LDAF1: variants seen among roughly 807,000 people sequenced by gnomAD.
The protein encoded by LDAF1 is PROMETHIN.
LDAF1 carries 7 observed loss-of-function variants against 13.5 expected under a neutral mutation model. The ratio of observed to expected loss-of-function variants is 0.52; its 90% CI spans 0.29 to 0.97. The LOEUF is 0.97. Ranked by LOEUF, LDAF1 falls within the 50% of genes least tolerant of loss-of-function variation. The pLI is 0.07. For synonymous variants in LDAF1, 69 were observed against 77.1 expected, an observed-to-expected ratio of 0.89 and a Z score of 0.55; for missense variants, 148 against 193.2, an observed-to-expected ratio of 0.77 and a Z score of 1.39.
At chr16:21,166,936 G>A (rs1211415886) in intron 2 of LDAF1, 2 of 1,531,400 alleles carry the variant, frequency 1.3e-6, no homozygotes, top group Non-Finnish European at 8.7e-7. Flanking sequence ...AGTCATCTCT[G>A]GCTAGAGAAG....
Position 21,170,752 on chromosome 16 carries a change from C to G in LDAF1, c.265+147C>G, listed in dbSNP as rs1042816347. ...AACTCCTGGGCTCAAGTGATCCTCC[C>G]ACGTCGGCCTGCCAAAGTGCTGGGA... On this transcript the variant is annotated intron_variant, in intron 3 of 4. Coordinates refer to ENST00000233047, the MANE Select transcript of LDAF1 (RefSeq NM_001301771.2). 3.2e-6 allele frequency: 3 copies of G among 945,914 alleles called. No homozygotes were observed. The African/African-American group carries it at 5.0e-5, about 16-fold the overall frequency. The allele number at this position is 945,914 out of a possible 1,614,324, so 58.6% of individuals were successfully genotyped here.
intron 1 of LDAF1, chr16:21,159,302 T>G (rs1189727784): frequency 6.2e-7 from 1 of 1,600,286 alleles, no homozygotes; most frequent in Admixed American, 1.7e-5. Context: ...CTGTGCCTTC[T>G]GGGACGCGGA....
chr16:21,176,520 G>A (rs917619545), intron 4 of LDAF1, among the ~76,000 whole-genome samples: 4 of 152,140 alleles, frequency 2.6e-5, no homozygotes, highest in African/African-American at 7.2e-5. Flanking sequence ...GTGCGTGCCT[G>A]TAGTCCCAGC....
chr16:21,167,692 G>GTTTTT (rs2093037193), intron 2 of LDAF1, among the ~76,000 whole-genome samples: 1 of 8,988 alleles, frequency 1.1e-4, no homozygotes, highest in Non-Finnish European at 2.2e-4. Context: ...AAGACCTTAG[G>GTTTTT]TTTGTTTTTT....
chr16:21,168,934 A>G (rs2093057486), intron 2 of LDAF1, among the ~76,000 whole-genome samples: 1 of 129,172 alleles, frequency 7.7e-6, no homozygotes, highest in Admixed American at 8.7e-5. Flanking sequence ...ATATATTTAA[A>G]TATTTATATT....
intron 4 of LDAF1, among the ~76,000 whole-genome samples, chr16:21,174,436 ATCC>A (rs1340817612): frequency 6.6e-6 from 1 of 152,116 alleles, no homozygotes; most frequent in Non-Finnish European, 1.5e-5. Context: ...GGCTCAAGCA[ATCC>A]TCCTGCCTCC....
At chr16:21,158,775 TCCGGGTGCC>T (rs2092921097) in intron 1 of LDAF1, 29 bp downstream of exon 1, 2 of 153,568 alleles carry the variant, frequency 1.3e-5, no homozygotes, top group South Asian at 4.0e-4. Context: ...GGGGTGGGGG[TCCGGGTGCC>T]CCGGGTGGCT....
At chr16:21,167,066 G>A (rs1353633848) in intron 2 of LDAF1, among the ~76,000 whole-genome samples, 1 of 152,220 alleles carries the variant, frequency 6.6e-6, no homozygotes, top group South Asian at 2.1e-4. Context: ...CATGCCTCGA[G>A]AGTAATCCTT....
chr16:21,174,245 A>G, intron 4 of LDAF1, 97 bp downstream of exon 4: 1 of 1,193,976 alleles, frequency 8.4e-7, no homozygotes, highest in South Asian at 1.6e-5. Flanking sequence ...GCTGGAGTGC[A>G]GTGGCATGAA....
chr16:21,159,841 A>G, intron 1 of LDAF1: 1 of 920,284 alleles, frequency 1.1e-6, no homozygotes, highest in African/African-American at 1.8e-5. Context: ...TGTAAGGGGA[A>G]CTCCGCTTGT....
chr16:21,168,403 TAATAGACAAGTG>T (rs1166557144), intron 2 of LDAF1, among the ~76,000 whole-genome samples: 1 of 151,978 alleles, frequency 6.6e-6, no homozygotes, highest in Non-Finnish European at 1.5e-5. Context: ...GCTTAGCTTT[TAATAGACAAGTG>T]AATAGACAAG....
intron 4 of LDAF1, among the ~76,000 whole-genome samples, chr16:21,177,675 G>A (rs2093151800): frequency 7.1e-6 from 1 of 141,464 alleles, no homozygotes; most frequent in Admixed American, 7.6e-5. Context: ...CTGGAGTGCA[G>A]TGGCTTGATC....
At chr16:21,159,674 GC>G (rs2092945368) in intron 1 of LDAF1, among the ~76,000 whole-genome samples, 1 of 152,194 alleles carries the variant, frequency 6.6e-6, no homozygotes, top group African/African-American at 2.4e-5. Context: ...GCCTGGGGAG[GC>G]CCCTCCGAGG....
At chr16:21,171,276 A>C (rs1452160392) in intron 3 of LDAF1, among the ~76,000 whole-genome samples, 1 of 152,194 alleles carries the variant, frequency 6.6e-6, no homozygotes, top group African/African-American at 2.4e-5. Flanking sequence ...TTGACTTTTC[A>C]AATCAGATCA....
intron 2 of LDAF1, chr16:21,166,947 C>T (rs1249269377): frequency 9.2e-6 from 14 of 1,520,812 alleles, no homozygotes; most frequent in Middle Eastern, 1.7e-4. Context: ...GCTAGAGAAG[C>T]GGAATAGCAA....
At chr16:21,169,118 C>A in intron 2 of LDAF1, 1 of 947,926 alleles carries the variant, frequency 1.1e-6, no homozygotes, top group Non-Finnish European at 1.3e-6. Flanking sequence ...AATAATAATG[C>A]TTTTAATGCT....
At position 21,161,173 on chromosome 16, in the gene LDAF1, G is replaced by A; in HGVS notation, c.-10G>A. 1 of 1,613,900 alleles carries A rather than the reference G, an allele frequency of 6.2e-7. No individual in the cohort carries two copies. Among genetic ancestry groups the A allele is most frequent in the Non-Finnish European group, 8.5e-7 (1 of 1,179,960 alleles). On this transcript the variant is annotated 5_prime_UTR_variant, in exon 2 of 5. Transcript: ENST00000233047. ...AATTCATCCCTAAAGAGATTGAAGT[G>A]AGCTTCAGAATGGCAAAAGAGGAGC...
chr16:21,177,328 G>A (rs2204997), intron 4 of LDAF1: 125,024 of 151,916 alleles, frequency 0.82, 52,184 homozygotes, highest in East Asian at 1. Context: ...CCAAAACTCC[G>A]TAAGTGATAG....
intron 1 of LDAF1, chr16:21,160,874 T>G (rs757625761): frequency 1.6e-5 from 6 of 372,642 alleles, no homozygotes; most frequent in Non-Finnish European, 2.6e-5. Flanking sequence ...CACAGCCTTT[T>G]AGTACATTTT....
Sources: gnomAD v4.1 joint callset for allele counts (sites outside exome capture counted in the v4.1 genomes callset) on GRCh38, gnomAD v4.1.1 for gene constraint, MANE v1.5 for transcripts, NCBI Gene and HGNC (gene_info 2026-07-23, HGNC 2026-07-21) for gene names.